The following RAB18 variants were observed in gnomAD, a reference collection of about 807,000 sequenced individuals.
RAB18 encodes the protein RAB18, member RAS oncogene family.
Under a neutral mutation model 28.5 loss-of-function variants are expected in RAB18, and 10 were observed. The observed-to-expected ratio is 0.35, with a 90% CI of 0.22 to 0.60. The LOEUF (loss-of-function observed/expected upper bound fraction) is 0.60, where lower values mean the gene tolerates loss of function less well. Among genes scored for constraint, RAB18 ranks in the 20% least tolerant of loss-of-function variants. The pLI, the probability that RAB18 is intolerant of heterozygous loss-of-function variation, is 0.78. For missense variants in RAB18, 188 were observed against 244.2 expected, an observed-to-expected ratio of 0.77 and a Z score of 1.53; for synonymous variants, 93 against 86.9, an observed-to-expected ratio of 1.07 and a Z score of -0.39.
At chr10:27,522,693 T>G (rs191384064) in intron 2 of RAB18, among the ~76,000 whole-genome samples, 30 of 152,242 alleles carry the variant, frequency 2.0e-4, no homozygotes, top group Admixed American at 7.2e-4. Context: ...CTTTTTTATC[T>G]ATATTCTATA....
chr10:27,520,930 A>AAG (rs1224267325), intron 2 of RAB18, among the ~76,000 whole-genome samples: 3 of 149,966 alleles, frequency 2.0e-5, no homozygotes, highest in East Asian at 3.9e-4. Flanking sequence ...AAAAAAAAAA[A>AAG]AAAAAAAAAA....
At chr10:27,504,534 C>A in intron 1 of RAB18, 97 bp downstream of exon 1, 2 of 1,387,946 alleles carry the variant, frequency 1.4e-6, no homozygotes, top group Non-Finnish European at 2.0e-6. Flanking sequence ...TAAACTGCAG[C>A]GGCGGGCTCG....
chr10:27,524,079 C>CA (rs1269280628), intron 2 of RAB18, among the ~76,000 whole-genome samples: 18 of 146,772 alleles, frequency 1.2e-4, no homozygotes, highest in East Asian at 4.0e-4. Context: ...GACTCCGTCT[C>CA]AAAAAAAAAA....
chr10:27,535,349 A>C (rs1043253523), intron 6 of RAB18, among the ~76,000 whole-genome samples: 1 of 152,162 alleles, frequency 6.6e-6, no homozygotes, highest in African/African-American at 2.4e-5. Context: ...GGCCCAGGGA[A>C]ACCAAAACAC....
chr10:27,508,193 C>A (rs1042271989), intron 1 of RAB18, among the ~76,000 whole-genome samples: 1 of 152,056 alleles, frequency 6.6e-6, no homozygotes, highest in African/African-American at 2.4e-5. Context: ...ACCAGGGTAC[C>A]CCTGTCTAAG....
chr10:27,532,256 A>G (rs1243420709), intron 3 of RAB18, among the ~76,000 whole-genome samples: 3 of 152,096 alleles, frequency 2.0e-5, no homozygotes, highest in African/African-American at 7.2e-5. Context: ...TTCATGTATG[A>G]TAAAAGTCTT....
intron 1 of RAB18, chr10:27,504,698 T>G: frequency 1.7e-5 from 12 of 691,656 alleles, no homozygotes; most frequent in East Asian, 8.7e-5. Flanking sequence ...GAAAACACCA[T>G]TCCGAGGGCC....
At chr10:27,513,933 G>A (rs903395385) in intron 2 of RAB18, 1 of 152,216 alleles carries the variant, frequency 6.6e-6, no homozygotes, top group Non-Finnish European at 1.5e-5. Flanking sequence ...AGCCATTTTT[G>A]CAGGAAGTAA....
intron 2 of RAB18, among the ~76,000 whole-genome samples, chr10:27,524,872 G>A (rs1298770734): frequency 3.3e-5 from 5 of 152,198 alleles, no homozygotes; most frequent in Non-Finnish European, 7.4e-5. Context: ...AGGAACCTAG[G>A]GAAGATGACT....
At chr10:27,514,556 G>A (rs1834393095) in intron 2 of RAB18, among the ~76,000 whole-genome samples, 1 of 151,734 alleles carries the variant, frequency 6.6e-6, no homozygotes, top group South Asian at 2.1e-4. Context: ...GTCTAGAAAT[G>A]GAAAAAGGTA....
Position 27,542,031 on chromosome 10 carries a change from G to T in RAB18, c.*3980G>T, listed in dbSNP as rs1835049696. ...TTTCAGGAGCAATTGAAGACATCTT[G>T]TTGGAGATAGTGTGCTGGGAGGAGT... is the stretch of plus-strand genomic sequence containing the variant. On this transcript the variant is annotated 3_prime_UTR_variant, in exon 7 of 7. Transcript: ENST00000356940. 1 of 453,998 alleles carries T rather than the reference G, an allele frequency of 2.2e-6. No homozygotes were observed. Among genetic ancestry groups the T allele is most frequent in the African/African-American group, 2.0e-5 (1 of 50,008 alleles). The allele number at this position is 453,998 out of a possible 1,614,324, so 28.1% of individuals were successfully genotyped here.
Position 27,504,335 on chromosome 10 carries a change from G to A in RAB18, c.-35G>A. Reference sequence around the variant, plus strand: ...CTGAAGGGCTGAGAGGCGCACCCGGGCGGCCAGCTGGGCTCGGAGCGGAAC... The same window carrying A: ...CTGAAGGGCTGAGAGGCGCACCCGGACGGCCAGCTGGGCTCGGAGCGGAAC... On this transcript the variant is annotated 5_prime_UTR_variant, in exon 1 of 7. Coordinates refer to ENST00000356940, the MANE Select transcript of RAB18 (RefSeq NM_021252.5). 1.9e-6 allele frequency: 3 copies of A among 1,560,084 alleles called. No individual in the cohort carries two copies. Among genetic ancestry groups the A allele is most frequent in the South Asian group, 1.2e-5 (1 of 84,834 alleles).
intron 3 of RAB18, among the ~76,000 whole-genome samples, chr10:27,531,873 C>T (rs1834795765): frequency 6.6e-6 from 1 of 151,356 alleles, no homozygotes; most frequent in Non-Finnish European, 1.5e-5. Flanking sequence ...GGTGATTAAA[C>T]AGATGAGTCC....
chr10:27,522,662 C>G (rs1045087894), intron 2 of RAB18, among the ~76,000 whole-genome samples: 8 of 152,036 alleles, frequency 5.3e-5, no homozygotes, highest in East Asian at 1.9e-4. Context: ...TAATAATATG[C>G]TTTGACTCTC....
intron 1 of RAB18, chr10:27,505,147 T>C (rs1422937542): frequency 1.9e-6 from 1 of 532,856 alleles, no homozygotes; most frequent in African/African-American, 1.9e-5. Context: ...ATTTTTTACT[T>C]TTTCCTTGGG....
chr10:27,505,568 A>C (rs1167039587), intron 1 of RAB18, among the ~76,000 whole-genome samples: 1 of 152,132 alleles, frequency 6.6e-6, no homozygotes, highest in East Asian at 1.9e-4. Context: ...TTATTTATTT[A>C]TTTATTTTTT....
intron 3 of RAB18, chr10:27,531,549 T>A (rs1834788198): frequency 6.8e-7 from 1 of 1,464,654 alleles, no homozygotes; most frequent in Non-Finnish European, 9.4e-7. Flanking sequence ...ATCAGCAGAC[T>A]GCAAACTTTT....
rs1003493292 is a variant in RAB18 at position 27,516,120 on chromosome 10, T to G, written c.124+6190T>G. On this transcript the variant is annotated intron_variant, in intron 2 of 6. Transcript: ENST00000356940. ...TTGGTTTGTTAAGATAAATATTAAG[T>G]CCCCTTATTTTTAATGCTTATTCTT... is the stretch of plus-strand genomic sequence containing the variant. 9.9e-5 allele frequency among the ~76,000 whole-genome samples: 15 copies of G among 152,256 alleles called. No individual in the cohort carries two copies. In the South Asian group the frequency reaches 3.1e-3, roughly 32 times the overall value.
At chr10:27,507,524 C>T (rs1837871027) in intron 1 of RAB18, among the ~76,000 whole-genome samples, 1 of 150,570 alleles carries the variant, frequency 6.6e-6, no homozygotes, top group Admixed American at 6.7e-5. Context: ...AATTGCTGTC[C>T]CTCCTTTGCC....
Sources: gnomAD v4.1 joint callset for allele counts (sites outside exome capture counted in the v4.1 genomes callset) on GRCh38, gnomAD v4.1.1 for gene constraint, MANE v1.5 for transcripts, NCBI Gene and HGNC (gene_info 2026-07-23, HGNC 2026-07-21) for gene names.